BAZ2B: variants seen among roughly 807,000 people sequenced by gnomAD.
The protein encoded by BAZ2B is bromodomain adjacent to zinc finger domain protein 2B.
In BAZ2B, 91 loss-of-function variants were observed where a neutral mutation model predicts 246.0. The observed-to-expected ratio is 0.37, with a 90% CI of 0.31 to 0.44. The LOEUF is 0.44. BAZ2B is among the 20% of genes least tolerant of loss of function. The pLI is 1.00. For synonymous variants in BAZ2B, 855 were observed against 860.0 expected (o/e 0.99, Z 0.10); for missense variants, 2,332 against 2,533.7 (o/e 0.92, Z 1.71).
Position 159,439,222 on chromosome 2 carries a change from G to A in BAZ2B, c.697-10C>T, listed in dbSNP as rs376170611. On this transcript the variant is annotated splice_polypyrimidine_tract_variant and intron_variant, in intron 6 of 36. Coordinates refer to ENST00000392783, the MANE Select transcript of BAZ2B (RefSeq NM_013450.4). ...CTTTCTTCCTTGGTTTCTGGATAAC[G>A]ACAAGGTAGTTGGCAAGACTTTATT... is the stretch of plus-strand genomic sequence containing the variant. The A allele has an allele frequency of 5.0e-6, 8 of 1,604,340 alleles. No individual in the cohort carries two copies. Among genetic ancestry groups the A allele is most frequent in the Middle Eastern group, 1.7e-4 (1 of 6,038 alleles).
At chr2:159,344,917 A>G (rs1342600318) in intron 31 of BAZ2B, among the ~76,000 whole-genome samples, 1 of 152,148 alleles carries the variant, frequency 6.6e-6, no homozygotes, top group Non-Finnish European at 1.5e-5. Flanking sequence ...GTTAAAGAAT[A>G]CAAAATTACT....
At chr2:159,705,775 C>T in the BAZ2B span, among the ~76,000 whole-genome samples, 1 of 151,844 alleles carries the variant, frequency 6.6e-6, no homozygotes, top group Non-Finnish European at 1.5e-5. Context: ...ATTTTTTAAG[C>T]TAAACTGGAA....
intron 27 of BAZ2B, 74 bp from the exon 28 acceptor site, chr2:159,350,431 C>G (rs952528976): frequency 5.4e-6 from 7 of 1,305,206 alleles, no homozygotes; most frequent in East Asian, 2.6e-5. Flanking sequence ...TTTCATTACT[C>G]TTTATCAAAT....
At chr2:159,453,832 T>C (rs367594928) in intron 3 of BAZ2B, 31 bp from the exon 4 acceptor site, 76 of 1,522,328 alleles carry the variant, frequency 5.0e-5, no homozygotes, top group Non-Finnish European at 6.1e-5. Context: ...CTTAAAGTTG[T>C]ACTATAAAAA....
chr2:159,436,335 T>C (rs1167444462), intron 8 of BAZ2B, among the ~76,000 whole-genome samples: 1 of 152,228 alleles, frequency 6.6e-6, no homozygotes, highest in East Asian at 1.9e-4. Context: ...TTCTATATTT[T>C]ATCCCAATTA....
chr2:159,641,996 G>A, the BAZ2B span, among the ~76,000 whole-genome samples: 1 of 151,738 alleles, frequency 6.6e-6, no homozygotes, highest in Non-Finnish European at 1.5e-5. Flanking sequence ...ATCTTTCCTT[G>A]TATCATTCAA....
At chr2:159,400,774 C>A (rs1035553594) in intron 16 of BAZ2B, 110 bp from the exon 17 acceptor site, 30 of 608,710 alleles carry the variant, frequency 4.9e-5, no homozygotes, top group Non-Finnish European at 8.3e-5. Flanking sequence ...GGCGCAGTGG[C>A]TCACACCTGT....
intron 2 of BAZ2B, among the ~76,000 whole-genome samples, chr2:159,551,325 T>C (rs924290671): frequency 3.8e-4 from 58 of 151,926 alleles, no homozygotes; most frequent in Middle Eastern, 3.4e-3. Flanking sequence ...AAAAATTAGC[T>C]GGGCGTGGTG....
chr2:159,697,645 T>C, the BAZ2B span, among the ~76,000 whole-genome samples: 2 of 152,110 alleles, frequency 1.3e-5, no homozygotes, highest in African/African-American at 4.8e-5. Context: ...TGCACTTTGC[T>C]TACCAGAAGA....
At chr2:159,494,806 C>A (rs1046360033) in intron 2 of BAZ2B, among the ~76,000 whole-genome samples, 2 of 152,208 alleles carry the variant, frequency 1.3e-5, no homozygotes, top group African/African-American at 4.8e-5. Context: ...TTTCAGAAAG[C>A]ATTTGCCACA....
chr2:159,364,196 T>A (rs2059992428), intron 27 of BAZ2B, among the ~76,000 whole-genome samples: 1 of 152,190 alleles, frequency 6.6e-6, no homozygotes, highest in Admixed American at 6.5e-5. Context: ...ACGGGTTTGC[T>A]AGAAATGGAG....
At chr2:159,575,123 C>A (rs960218885) in intron 1 of BAZ2B, among the ~76,000 whole-genome samples, 5 of 152,116 alleles carry the variant, frequency 3.3e-5, no homozygotes, top group African/African-American at 1.2e-4. Flanking sequence ...ATGCAATGTC[C>A]AGCGTAGGCA....
chr2:159,519,728 G>C lies in BAZ2B; in HGVS notation c.-3+36095C>G, dbSNP rs1486641361. On this transcript the variant is annotated intron_variant, in intron 2 of 36. Transcript: ENST00000392783. Reference sequence around the variant, plus strand: ...TGCTCTGTCGCCCAGGCTGCAGTGCGGCGGTGCGATCTCGGCTCACTGCAA... The same window carrying C: ...TGCTCTGTCGCCCAGGCTGCAGTGCCGCGGTGCGATCTCGGCTCACTGCAA... 4.6e-5 allele frequency among the ~76,000 whole-genome samples: 6 copies of C among 129,870 alleles called. No individual in the cohort carries two copies. The East Asian group carries it at 7.0e-4, about 15-fold the overall frequency. The allele number at this position is 129,870 out of a possible 152,430, so 85.2% of individuals were successfully genotyped here.
chr2:159,676,551 G>T, the BAZ2B span, among the ~76,000 whole-genome samples: 1 of 151,708 alleles, frequency 6.6e-6, no homozygotes, highest in Non-Finnish European at 1.5e-5. Flanking sequence ...CACGTGATGG[G>T]TGCCTGTAGT....
intron 1 of BAZ2B, among the ~76,000 whole-genome samples, chr2:159,572,696 T>C (rs536443549): frequency 4.8e-4 from 73 of 152,326 alleles, no homozygotes; most frequent in African/African-American, 1.6e-3. Context: ...AATTTTTCCA[T>C]ATAGATAGTG....
At chr2:159,690,042 G>T in the BAZ2B span, 2 of 429,328 alleles carry the variant, frequency 4.7e-6, no homozygotes, top group East Asian at 4.3e-5. Context: ...GGCAGTTTTT[G>T]CCCTGAATGT....
At chr2:159,657,967 A>G in the BAZ2B span, among the ~76,000 whole-genome samples, 9 of 152,314 alleles carry the variant, frequency 5.9e-5, no homozygotes, top group African/African-American at 2.2e-4. Context: ...TCAGTATGAC[A>G]CCGAATGGGA....
At chr2:159,381,971 T>C (rs1469174794) in intron 25 of BAZ2B, among the ~76,000 whole-genome samples, 1 of 152,218 alleles carries the variant, frequency 6.6e-6, no homozygotes, top group Non-Finnish European at 1.5e-5. Context: ...GGGAGTTTAT[T>C]ACTCAGAAAG....
chr2:159,323,943 A>C (rs1249079798), intron 36 of BAZ2B, among the ~76,000 whole-genome samples: 1 of 152,158 alleles, frequency 6.6e-6, no homozygotes, highest in Non-Finnish European at 1.5e-5. Flanking sequence ...AAAAATAATA[A>C]AACAAAACAG....
Sources: gnomAD v4.1 joint callset for allele counts (sites outside exome capture counted in the v4.1 genomes callset) on GRCh38, gnomAD v4.1.1 for gene constraint, MANE v1.5 for transcripts, NCBI Gene and HGNC (gene_info 2026-07-23, HGNC 2026-07-21) for gene names.